Variants in ARL8B observed in about 807,000 individuals in gnomAD.
ARL8B encodes ADP-ribosylation factor-like protein 8B.
Under a neutral mutation model 30.6 loss-of-function variants are expected in ARL8B, and 9 were observed. The observed-to-expected ratio is 0.29, with a 90% CI of 0.18 to 0.51. The LOEUF (loss-of-function observed/expected upper bound fraction) is 0.51. Among genes scored for constraint, ARL8B ranks in the 20% least tolerant of loss-of-function variants. The pLI is 0.97. For missense variants in ARL8B, 130 were observed against 227.2 expected (o/e 0.57, Z 2.75); for synonymous variants, 74 against 76.0 (o/e 0.97, Z 0.14).
intron 1 of ARL8B, among the ~76,000 whole-genome samples, chr3:5,142,962 G>A (rs2054387747): frequency 6.6e-6 from 1 of 152,224 alleles, no homozygotes; most frequent in African/African-American, 2.4e-5. Context: ...TCAGCTCGGA[G>A]TTACCCACCC....
chr3:5,140,551 C>T (rs1417186822), intron 1 of ARL8B, among the ~76,000 whole-genome samples: 2 of 143,506 alleles, frequency 1.4e-5, no homozygotes, highest in Non-Finnish European at 3.0e-5. Flanking sequence ...ACTCATACAC[C>T]TTCTTGGTTT....
Position 5,179,912 on chromosome 3 carries a change from C to T in ARL8B, c.*1199C>T, listed in dbSNP as rs1158217878. On this transcript the variant is annotated 3_prime_UTR_variant, in exon 7 of 7. Transcript: ENST00000256496. Reference sequence around the variant, plus strand: ...ATGCTGTTTGTTTGCTTCTATGATACAGAGATGTCTAAAAACTTCAAATGG... The same window carrying T: ...ATGCTGTTTGTTTGCTTCTATGATATAGAGATGTCTAAAAACTTCAAATGG... 1 of 152,570 alleles carries T rather than the reference C, an allele frequency of 6.6e-6. No individual in the cohort carries two copies. The highest frequency in any genetic ancestry group is 2.4e-5 in the African/African-American group (1 of 41,430). The allele number at this position is 152,570 out of a possible 1,614,324, so 9.5% of individuals were successfully genotyped here. A position where few individuals can be genotyped will look rare whatever the true frequency, so the allele number is the denominator to read the frequency against.
intron 1 of ARL8B, among the ~76,000 whole-genome samples, chr3:5,168,055 T>G (rs139073964): frequency 6.6e-6 from 1 of 152,288 alleles, no homozygotes; most frequent in East Asian, 1.9e-4. Context: ...TCCTCCTTCA[T>G]GGCCTATGTT....
intron 1 of ARL8B, among the ~76,000 whole-genome samples, chr3:5,133,652 G>A (rs1250669210): frequency 6.6e-6 from 1 of 152,180 alleles, no homozygotes; most frequent in Non-Finnish European, 1.5e-5. Context: ...AGGCTGGGGC[G>A]TGGTGGCTCA....
chr3:5,142,834 G>A (rs2106558967), intron 1 of ARL8B, among the ~76,000 whole-genome samples: 1 of 152,236 alleles, frequency 6.6e-6, no homozygotes, highest in South Asian at 2.1e-4. Context: ...ACTACTTTTG[G>A]TTCTTGGCCT....
chr3:5,167,555 C>G (rs536490748), intron 1 of ARL8B, among the ~76,000 whole-genome samples: 2 of 152,138 alleles, frequency 1.3e-5, no homozygotes, highest in African/African-American at 4.8e-5. Flanking sequence ...TCTACTCTTT[C>G]CCCCCCAAGT....
chr3:5,139,020 C>T (rs1242799393), intron 1 of ARL8B, among the ~76,000 whole-genome samples: 1 of 152,142 alleles, frequency 6.6e-6, no homozygotes, highest in African/African-American at 2.4e-5. Context: ...GATATATAAG[C>T]AGACAGCTAA....
chr3:5,143,625 A>G (rs975156264), intron 1 of ARL8B, among the ~76,000 whole-genome samples: 7 of 152,306 alleles, frequency 4.6e-5, no homozygotes, highest in African/African-American at 1.7e-4. Flanking sequence ...TTGCACGGCC[A>G]TCTTAGTGGT....
intron 1 of ARL8B, among the ~76,000 whole-genome samples, chr3:5,141,153 C>G (rs1351709713): frequency 6.6e-6 from 1 of 152,214 alleles, no homozygotes; most frequent in Non-Finnish European, 1.5e-5. Flanking sequence ...CTGACCCCTC[C>G]TCTACATTCT....
chr3:5,143,480 G>T (rs576045137), intron 1 of ARL8B, among the ~76,000 whole-genome samples: 23 of 152,264 alleles, frequency 1.5e-4, no homozygotes, highest in African/African-American at 4.8e-4. Flanking sequence ...AGGGGAAATG[G>T]AACCACCTGT....
chr3:5,144,386 G>T (rs541015948), intron 1 of ARL8B, among the ~76,000 whole-genome samples: 148 of 152,228 alleles, frequency 9.7e-4, no homozygotes, highest in African/African-American at 3.4e-3. Context: ...TCACCTTTTT[G>T]TTTATCCTTT....
At chr3:5,136,118 T>C (rs924241888) in intron 1 of ARL8B, among the ~76,000 whole-genome samples, 2 of 141,788 alleles carry the variant, frequency 1.4e-5, no homozygotes, top group African/African-American at 2.8e-5. Context: ...TTATTATGTA[T>C]ATTTTTGAGA....
intron 1 of ARL8B, among the ~76,000 whole-genome samples, chr3:5,136,059 A>C (rs2054323026): frequency 2.6e-5 from 4 of 151,594 alleles, no homozygotes; most frequent in Admixed American, 1.3e-4. Flanking sequence ...AAGTGCTGGG[A>C]TTATAGGCGT....
At chr3:5,134,001 G>C (rs991956143) in intron 1 of ARL8B, among the ~76,000 whole-genome samples, 8 of 152,222 alleles carry the variant, frequency 5.3e-5, no homozygotes, top group South Asian at 4.1e-4. Context: ...TGATATAAAG[G>C]GATGGCTGGT....
At chr3:5,139,324 A>G (rs546024339) in intron 1 of ARL8B, among the ~76,000 whole-genome samples, 8 of 152,296 alleles carry the variant, frequency 5.3e-5, no homozygotes, top group South Asian at 2.1e-4. Context: ...TGCCTCTACT[A>G]TGCCTAGGCT....
At chr3:5,136,072 G>T (rs2054323158) in intron 1 of ARL8B, among the ~76,000 whole-genome samples, 1 of 151,628 alleles carries the variant, frequency 6.6e-6, no homozygotes, top group South Asian at 2.1e-4. Flanking sequence ...ATAGGCGTGA[G>T]CCATCACGCC....
At chr3:5,130,055 G>T (rs545531300) in intron 1 of ARL8B, among the ~76,000 whole-genome samples, 1 of 152,110 alleles carries the variant, frequency 6.6e-6, no homozygotes, top group African/African-American at 2.4e-5. Flanking sequence ...GTAGAGACAG[G>T]GTTTCACCAT....
At chr3:5,137,459 A>G (rs111599973) in intron 1 of ARL8B, among the ~76,000 whole-genome samples, 23 of 132,658 alleles carry the variant, frequency 1.7e-4, no homozygotes, top group Non-Finnish European at 3.0e-4. Flanking sequence ...TTTTTTTGAG[A>G]TGGAGTCTCA....
intron 6 of ARL8B, among the ~76,000 whole-genome samples, chr3:5,174,830 T>C (rs576036902): frequency 2.7e-5 from 4 of 150,538 alleles, no homozygotes; most frequent in African/African-American, 7.3e-5. Flanking sequence ...TTTGAGACAG[T>C]GTCACTCCTT....
Sources: allele counts gnomAD v4.1 joint callset (sites outside exome capture counted in the v4.1 genomes callset), GRCh38; gene constraint gnomAD v4.1.1; transcripts MANE v1.5; gene names NCBI Gene and HGNC (gene_info 2026-07-23, HGNC 2026-07-21).